COBLL1: variants seen among roughly 807,000 people sequenced by gnomAD.
The protein encoded by COBLL1 is cordon-bleu WH2 repeat protein like 1.
COBLL1 carries 50 observed loss-of-function variants against 94.8 expected under a neutral mutation model. That is an observed-to-expected ratio of 0.53 (90% CI 0.42 to 0.67). The LOEUF (loss-of-function observed/expected upper bound fraction) is 0.67, where lower values mean the gene tolerates loss of function less well. Ranked by LOEUF, COBLL1 falls within the 30% of genes least tolerant of loss-of-function variation. COBLL1 has a pLI of 0.00. For missense variants in COBLL1, 1,362 were observed against 1,348.7 expected (o/e 1.01, Z -0.15); for synonymous variants, 448 against 473.8 (o/e 0.95, Z 0.71).
At chr2:164,717,929 T>C (rs527652629) in intron 7 of COBLL1, among the ~76,000 whole-genome samples, 1 of 152,346 alleles carries the variant, frequency 6.6e-6, no homozygotes, top group East Asian at 1.9e-4. Flanking sequence ...CAGTATAGTT[T>C]AGTTGGACCT....
At chr2:164,828,877 G>T (rs555392402) in intron 2 of COBLL1, among the ~76,000 whole-genome samples, 2 of 152,160 alleles carry the variant, frequency 1.3e-5, no homozygotes, top group South Asian at 4.2e-4. Context: ...ATTTAAAATT[G>T]CATTTGTGGC....
chr2:164,671,323 T>C (rs995423678), intron 1 of COBLL1, among the ~76,000 whole-genome samples: 28 of 152,342 alleles, frequency 1.8e-4, no homozygotes, highest in African/African-American at 6.5e-4. Flanking sequence ...CTTTTTTTAA[T>C]GTAAGAACCT....
chr2:164,664,517 C>A (rs1273553945), intron 2 of COBLL1, among the ~76,000 whole-genome samples: 1 of 152,112 alleles, frequency 6.6e-6, no homozygotes, highest in African/African-American at 2.4e-5. Context: ...AAAAATAAAT[C>A]AACAGCCACA....
chr2:164,758,429 C>T (rs1039590658), intron 2 of COBLL1, among the ~76,000 whole-genome samples: 1 of 152,062 alleles, frequency 6.6e-6, no homozygotes, highest in African/African-American at 2.4e-5. Context: ...TAACTTCTCT[C>T]AATAACAAAC....
intron 2 of COBLL1, among the ~76,000 whole-genome samples, chr2:164,838,525 C>T (rs1683431853): frequency 6.6e-6 from 1 of 152,096 alleles, no homozygotes; most frequent in Non-Finnish European, 1.5e-5. Context: ...TATGTTATAT[C>T]ATACCATGGT....
intron 2 of COBLL1, among the ~76,000 whole-genome samples, chr2:164,790,803 A>G (rs576055772): frequency 1.3e-5 from 2 of 152,298 alleles, no homozygotes; most frequent in South Asian, 4.1e-4. Flanking sequence ...AGAAAAGAAA[A>G]CATGGTTTAC....
chr2:164,831,325 AAAT>A (rs1331700104), intron 2 of COBLL1, among the ~76,000 whole-genome samples: 4 of 151,878 alleles, frequency 2.6e-5, no homozygotes, highest in Non-Finnish European at 5.9e-5. Context: ...CTGTCTCAAA[AAAT>A]AATAATAAAA....
At position 164,680,934 on chromosome 2, in the gene COBLL1, G is replaced by C. The variant is rs1447304296; in HGVS notation, c.*5012C>G. On this transcript the variant is annotated 3_prime_UTR_variant, in exon 14 of 14. Transcript: ENST00000652658. ...AAATGAGAGAAAACTATAGAGAAAG[G>C]GAGAGAATATACTTTTGCACTACGA... is the stretch of plus-strand genomic sequence containing the variant. The C allele has an allele frequency of 2.6e-5, 4 of 151,974 alleles. No individual in the cohort carries two copies. The highest frequency in any genetic ancestry group is 4.8e-5 in the African/African-American group (2 of 41,352). 9.4% of individuals were successfully genotyped at this position (151,974 alleles called of 1,614,324 possible).
chr2:164,697,576 T>C (rs1395024946), intron 11 of COBLL1: 2 of 152,290 alleles, frequency 1.3e-5, no homozygotes, highest in African/African-American at 2.4e-5. Context: ...ACTGAGTATA[T>C]GTATTTCCCA....
At chr2:164,785,018 T>C (rs1048450190) in intron 2 of COBLL1, among the ~76,000 whole-genome samples, 1 of 152,146 alleles carries the variant, frequency 6.6e-6, no homozygotes, top group Non-Finnish European at 1.5e-5. Context: ...GGCTTGAGGC[T>C]GCAGGTGGGC....
chr2:164,764,007 T>C (rs1687818423), intron 2 of COBLL1, among the ~76,000 whole-genome samples: 1 of 152,204 alleles, frequency 6.6e-6, no homozygotes, highest in African/African-American at 2.4e-5. Context: ...GAGATCCTCC[T>C]GCCTCAGCCT....
chr2:164,768,819 A>G (rs1688060834), intron 2 of COBLL1, among the ~76,000 whole-genome samples: 1 of 152,154 alleles, frequency 6.6e-6, no homozygotes, highest in Non-Finnish European at 1.5e-5. Context: ...TGGCCTTCCT[A>G]TTTCCTTAAC....
chr2:164,841,010 A>C lies in COBLL1; in HGVS notation c.41+146T>G. 1 of 893,564 alleles carries C rather than the reference A, an allele frequency of 1.1e-6. No individual in the cohort carries two copies. Among genetic ancestry groups the C allele is most frequent in the Non-Finnish European group, 1.5e-6 (1 of 681,840 alleles). 55.4% of individuals were successfully genotyped at this position (893,564 alleles called of 1,614,324 possible). A position where few individuals can be genotyped will look rare whatever the true frequency, so the allele number is the denominator to read the frequency against. The stretch of plus-strand genomic sequence containing the variant: ...GCCTCCGAGAAGGCCGGGAGGAAGC[A>C]GCCTCCCCGGCCGCGTGGAGGACAG... On this transcript the variant is annotated intron_variant, in intron 2 of 13. Coordinates refer to ENST00000652658, the MANE Select transcript of COBLL1 (RefSeq NM_001365672.2). This position sits in a 1 kb window ranked among gnomAD's most constrained non-coding sequence, Gnocchi z 5.5.
At chr2:164,691,001 T>C (rs1358629154) in intron 13 of COBLL1, among the ~76,000 whole-genome samples, 1 of 152,216 alleles carries the variant, frequency 6.6e-6, no homozygotes, top group Non-Finnish European at 1.5e-5. Flanking sequence ...TACCAAATTG[T>C]TATGCTGCCT....
Position 164,730,811 on chromosome 2 carries a change from T to C in COBLL1, c.231-696A>G, listed in dbSNP as rs567153645. Among the ~76,000 whole-genome samples the C allele has an allele frequency of 5.3e-5, 8 of 152,320 alleles. No individual in the cohort carries two copies. In the Middle Eastern group the frequency reaches 0.01, roughly 194 times the overall value. ...ACAAAGTTCTCATAAGAATGAAGCA[T>C]TTGGAACCACCACCACCACTTTTTG... is the stretch of plus-strand genomic sequence containing the variant. On this transcript the variant is annotated intron_variant, in intron 3 of 13. Transcript: ENST00000652658.
chr2:164,773,821 G>A, intron 2 of COBLL1: 2 of 1,133,980 alleles, frequency 1.8e-6, no homozygotes, highest in South Asian at 3.2e-5. Flanking sequence ...TCATGTATGT[G>A]TAAGCGCCAG....
At chr2:164,776,253 T>C (rs13015088) in intron 2 of COBLL1, among the ~76,000 whole-genome samples, 4 of 152,078 alleles carry the variant, frequency 2.6e-5, no homozygotes, top group Non-Finnish European at 5.9e-5. Flanking sequence ...ACGCTTCCCA[T>C]GGCCCTTAGA....
chr2:164,679,161 C>T (rs957184427), downstream of COBLL1, among the ~76,000 whole-genome samples: 69 of 152,222 alleles, frequency 4.5e-4, no homozygotes, highest in African/African-American at 1.6e-3. Context: ...ATGTCTGTCT[C>T]CTCTGACTTT....
intron 2 of COBLL1, among the ~76,000 whole-genome samples, chr2:164,786,351 C>T (rs1369350320): frequency 1.3e-5 from 2 of 152,090 alleles, no homozygotes; most frequent in East Asian, 3.9e-4. Flanking sequence ...AAAGTCATGC[C>T]AAATAAAACA....
Sources: gnomAD v4.1 joint callset for allele counts (sites outside exome capture counted in the v4.1 genomes callset) on GRCh38, gnomAD v4.1.1 for gene constraint, Gnocchi (gnomAD v3.1) non-coding constraint, MANE v1.5 for transcripts, NCBI Gene and HGNC (gene_info 2026-07-23, HGNC 2026-07-21) for gene names.